Variants in TTC39C observed in about 807,000 individuals in gnomAD.
TTC39C encodes the protein tetratricopeptide repeat protein 39C.
A neutral mutation model predicts 76.3 loss-of-function variants in TTC39C; 33 were observed. The ratio of observed to expected loss-of-function variants is 0.43; its 90% CI spans 0.33 to 0.58. TTC39C has a LOEUF of 0.58. Ranked by LOEUF, TTC39C falls within the 20% of genes least tolerant of loss-of-function variation. The pLI, the probability that TTC39C is intolerant of heterozygous loss-of-function variation, is 0.04. For missense variants in TTC39C, 595 were observed against 701.4 expected (o/e 0.85, Z 1.71); for synonymous variants, 254 against 260.6 (o/e 0.97, Z 0.24).
At chr18:24,004,761 A>AT (rs2083339656) in intron 1 of TTC39C, among the ~76,000 whole-genome samples, 1 of 152,146 alleles carries the variant, frequency 6.6e-6, no homozygotes, top group Non-Finnish European at 1.5e-5. Context: ...GCTTTCACTC[A>AT]TTTTTCGTGC....
At chr18:24,122,264 A>G in intron 8 of TTC39C, among the ~76,000 whole-genome samples, 1 of 152,072 alleles carries the variant, frequency 6.6e-6, no homozygotes, top group East Asian at 1.9e-4. Context: ...CACACCTGTA[A>G]TCCCAGCACT....
chr18:24,007,390 T>C (rs1343457854), intron 1 of TTC39C, among the ~76,000 whole-genome samples: 3 of 152,136 alleles, frequency 2.0e-5, no homozygotes, highest in Non-Finnish European at 2.9e-5. Context: ...TATCTTTATT[T>C]ATTTATTTTT....
At chr18:24,017,748 A>T (rs1215052483) in intron 1 of TTC39C, among the ~76,000 whole-genome samples, 2 of 152,338 alleles carry the variant, frequency 1.3e-5, no homozygotes, top group African/African-American at 2.4e-5. Context: ...CATAACAGGG[A>T]TAGGCAAATT....
intron 4 of TTC39C, among the ~76,000 whole-genome samples, chr18:24,079,794 A>AT (rs1292949203): frequency 1.7e-5 from 2 of 120,220 alleles, no homozygotes; most frequent in African/African-American, 3.1e-5. Flanking sequence ...TTGGGTATAC[A>AT]TTTTTTTCTT....
chr18:24,120,134 G>A (rs1227797535), intron 8 of TTC39C, among the ~76,000 whole-genome samples: 1 of 152,190 alleles, frequency 6.6e-6, no homozygotes, highest in Non-Finnish European at 1.5e-5. Flanking sequence ...GGCAGATCAC[G>A]AGGTCAAGAG....
intron 8 of TTC39C, among the ~76,000 whole-genome samples, chr18:24,120,220 C>T (rs1568445101): frequency 6.6e-6 from 1 of 152,204 alleles, no homozygotes; most frequent in East Asian, 1.9e-4. Context: ...CGTGGTGGCG[C>T]ACACCTGTAG....
At chr18:24,105,915 C>G (rs775607519) in intron 6 of TTC39C, among the ~76,000 whole-genome samples, 8 of 152,220 alleles carry the variant, frequency 5.3e-5, no homozygotes, top group Non-Finnish European at 1.0e-4. Flanking sequence ...TTCCTCTCTC[C>G]TGGCTTCTGC....
intron 6 of TTC39C, among the ~76,000 whole-genome samples, chr18:24,095,600 G>T (rs1160280374): frequency 6.6e-6 from 1 of 152,200 alleles, no homozygotes; most frequent in African/African-American, 2.4e-5. Flanking sequence ...TTGGGAGGCT[G>T]AGGCAGGAGA....
At chr18:24,094,096 C>G (rs11659881) in intron 6 of TTC39C, among the ~76,000 whole-genome samples, 63,423 of 152,142 alleles carry the variant, frequency 0.42, 15,635 homozygotes, top group Non-Finnish European at 0.56. Flanking sequence ...TCAACTAAGT[C>G]TATGTGTTAT....
rs1346325065 is a variant in TTC39C at position 24,134,259 on chromosome 18, T to TGG, written c.*1685_*1686insGG. 2.8e-5 allele frequency: 1 copy of TGG among 35,340 alleles called. No individual in the cohort carries two copies. The highest frequency in any genetic ancestry group is 6.3e-5 in the Non-Finnish European group (1 of 15,818). The allele number at this position is 35,340 out of a possible 1,614,324, so 2.2% of individuals were successfully genotyped here. ...GTGCCCAAAAATATTGGACATCTGTTTTTTGTTTTTTTTTTTTTTTTTTTT... is the reference window on the plus strand; with the variant it reads ...GTGCCCAAAAATATTGGACATCTGTTGGTTTTGTTTTTTTTTTTTTTTTTTTT... On this transcript the variant is annotated 3_prime_UTR_variant, in exon 14 of 14. Transcript: ENST00000317571.
chr18:24,024,016 A>ATATATATATTTTTTTT (rs1461392228), intron 1 of TTC39C, among the ~76,000 whole-genome samples: 4 of 5,478 alleles, frequency 7.3e-4, no homozygotes, highest in Admixed American at 3.6e-3. Context: ...ATATATATAT[A>ATATATATATTTTTTTT]TTTTTTTTTT....
At chr18:24,055,433 G>A (rs2084003453) in intron 1 of TTC39C, among the ~76,000 whole-genome samples, 1 of 152,166 alleles carries the variant, frequency 6.6e-6, no homozygotes, top group Non-Finnish European at 1.5e-5. Flanking sequence ...ATCCTAGTGG[G>A]TGTGAGGTGG....
intron 1 of TTC39C, among the ~76,000 whole-genome samples, chr18:24,005,829 A>C (rs1293702381): frequency 6.7e-6 from 1 of 150,188 alleles, no homozygotes; most frequent in African/African-American, 2.5e-5. Flanking sequence ...TGGCCGACTG[A>C]GTGAGACCCT....
At chr18:24,031,385 AC>A (rs2083668691) in intron 1 of TTC39C, among the ~76,000 whole-genome samples, 1 of 152,046 alleles carries the variant, frequency 6.6e-6, no homozygotes, top group Non-Finnish European at 1.5e-5. Context: ...CTCCAAAAGA[AC>A]CCTGTTTTTA....
chr18:24,101,305 T>TAA (rs35978012), intron 6 of TTC39C, among the ~76,000 whole-genome samples: 9,861 of 139,408 alleles, frequency 0.071, 449 homozygotes, highest in South Asian at 0.13. Flanking sequence ...TAATTTTTCA[T>TAA]AAAAAAAAAA....
intron 8 of TTC39C, among the ~76,000 whole-genome samples, chr18:24,119,399 C>T (rs2084937737): frequency 6.6e-6 from 1 of 152,152 alleles, no homozygotes; most frequent in Non-Finnish European, 1.5e-5. Flanking sequence ...TTTTCAATAC[C>T]TTCTTATTCT....
chr18:24,095,728 T>C (rs2084580522), intron 6 of TTC39C, among the ~76,000 whole-genome samples: 1 of 152,106 alleles, frequency 6.6e-6, no homozygotes, highest in Non-Finnish European at 1.5e-5. Context: ...AAAAAACTTT[T>C]CCTTTGCATT....
chr18:24,061,424 G>C (rs2145726842), intron 1 of TTC39C, among the ~76,000 whole-genome samples: 1 of 151,830 alleles, frequency 6.6e-6, no homozygotes, highest in South Asian at 2.1e-4. Context: ...TGAGCTAGGA[G>C]CCTCTTCCTC....
intron 6 of TTC39C, among the ~76,000 whole-genome samples, chr18:24,098,546 C>CCCTCTCCTCT (rs1246937329): frequency 5.8e-5 from 4 of 69,208 alleles, no homozygotes; most frequent in Admixed American, 1.4e-4. Context: ...CCCTCCCCTC[C>CCCTCTCCTCT]CCTCTCCTCT....
Sources: allele counts gnomAD v4.1 joint callset (sites outside exome capture counted in the v4.1 genomes callset), GRCh38; gene constraint gnomAD v4.1.1; transcripts MANE v1.5; gene names NCBI Gene and HGNC (gene_info 2026-07-23, HGNC 2026-07-21).